The following INPP4A variants were observed in gnomAD, a reference collection of about 807,000 sequenced individuals.
INPP4A encodes the protein inositol polyphosphate-4-phosphatase type I A, also known as inositol polyphosphate-4-phosphatase, type I, 107kD.
In INPP4A, 33 loss-of-function variants were observed where a neutral mutation model predicts 119.8. The observed-to-expected ratio is 0.28, with a 90% CI of 0.21 to 0.37. INPP4A has a LOEUF of 0.37. Ranked by LOEUF, INPP4A falls within the 10% of genes least tolerant of loss-of-function variation. INPP4A has a pLI of 1.00. For missense variants in INPP4A, 956 were observed against 1,289.9 expected (o/e 0.74, Z 3.97); for synonymous variants, 496 against 500.7 (o/e 0.99, Z 0.12).
At chr2:98,539,794 C>A in intron 10 of INPP4A, 119 bp downstream of exon 10, 1 of 978,754 alleles carries the variant, frequency 1.0e-6, no homozygotes, top group Non-Finnish European at 1.4e-6. Flanking sequence ...CACAGCCTCT[C>A]CCCCTGCAGC....
chr2:98,558,482 GT>G (rs1265857412), intron 16 of INPP4A, among the ~76,000 whole-genome samples: 1 of 152,198 alleles, frequency 6.6e-6, no homozygotes, highest in Non-Finnish European at 1.5e-5. Context: ...AGATGCCTTT[GT>G]ATTCTCTTTC....
At chr2:98,492,650 C>T (rs1415050822) in intron 1 of INPP4A, among the ~76,000 whole-genome samples, 1 of 152,200 alleles carries the variant, frequency 6.6e-6, no homozygotes, top group African/African-American at 2.4e-5. Context: ...AAGGCAAGCA[C>T]ACTCAGGTCC....
chr2:98,542,086 G>A (rs1413128075), intron 10 of INPP4A, among the ~76,000 whole-genome samples: 2 of 152,258 alleles, frequency 1.3e-5, no homozygotes, highest in Non-Finnish European at 2.9e-5. Flanking sequence ...GGAACTGTGA[G>A]AAGAAAGAGG....
intron 17 of INPP4A, among the ~76,000 whole-genome samples, chr2:98,562,396 G>A (rs1057062718): frequency 2.6e-5 from 4 of 152,192 alleles, no homozygotes; most frequent in African/African-American, 9.7e-5. Context: ...GGGCCAAGCC[G>A]CCCTTCTCTC....
Position 98,581,184 on chromosome 2 carries a change from A to T in INPP4A, c.2786+4041A>T, listed in dbSNP as rs1029421577. Among the ~76,000 whole-genome samples, 3 of 152,170 alleles carry T rather than the reference A, an allele frequency of 2.0e-5. No individual in the cohort carries two copies. The East Asian group carries it at 5.8e-4, about 29-fold the overall frequency. On this transcript the variant is annotated intron_variant, in intron 24 of 24. Coordinates refer to ENST00000409851, the MANE Select transcript of INPP4A (RefSeq NM_001134225.2). ...TTCATGTTCCGCTTGCTTCTCAGAAATCCCTGTCTGTGCAGCATGTGGGGG... is the reference window on the plus strand; with the variant it reads ...TTCATGTTCCGCTTGCTTCTCAGAATTCCCTGTCTGTGCAGCATGTGGGGG...
chr2:98,558,792 T>A (rs922339631), intron 16 of INPP4A, among the ~76,000 whole-genome samples: 14 of 152,252 alleles, frequency 9.2e-5, no homozygotes, highest in African/African-American at 3.4e-4. Flanking sequence ...AGTAAGTACA[T>A]CCCAGTGTGA....
intron 1 of INPP4A, among the ~76,000 whole-genome samples, chr2:98,492,662 A>G: frequency 6.6e-6 from 1 of 152,202 alleles, no homozygotes; most frequent in East Asian, 1.9e-4. Context: ...CTCAGGTCCC[A>G]GGGGGAGGTG....
chr2:98,525,952 T>C (rs1688107198), intron 4 of INPP4A, among the ~76,000 whole-genome samples: 1 of 152,238 alleles, frequency 6.6e-6, no homozygotes, highest in Non-Finnish European at 1.5e-5. Context: ...ATTTTAGTTG[T>C]ATGTAATTAT....
At chr2:98,500,010 C>G (rs1682798549) in intron 1 of INPP4A, among the ~76,000 whole-genome samples, 1 of 152,162 alleles carries the variant, frequency 6.6e-6, no homozygotes, top group African/African-American at 2.4e-5. Context: ...ATATCTAATT[C>G]CGGGGGAAAC....
intron 4 of INPP4A, among the ~76,000 whole-genome samples, chr2:98,526,530 A>T (rs901336406): frequency 2.0e-5 from 3 of 152,192 alleles, no homozygotes; most frequent in African/African-American, 4.8e-5. Context: ...ACTTCCAAAA[A>T]TCTTCTTTTC....
chr2:98,470,888 G>A (rs569726733), intron 1 of INPP4A, among the ~76,000 whole-genome samples: 3 of 152,190 alleles, frequency 2.0e-5, no homozygotes, highest in East Asian at 3.9e-4. Context: ...GGCTGATCTC[G>A]AACTCCTGAC....
At chr2:98,534,460 C>A (rs1026033785) in intron 5 of INPP4A, among the ~76,000 whole-genome samples, 1 of 152,158 alleles carries the variant, frequency 6.6e-6, no homozygotes, top group Admixed American at 6.5e-5. Flanking sequence ...TCATGAAATT[C>A]TACTTCAGTA....
At chr2:98,584,410 G>T (rs568884817) in intron 24 of INPP4A, among the ~76,000 whole-genome samples, 35 of 152,348 alleles carry the variant, frequency 2.3e-4, no homozygotes, top group African/African-American at 8.2e-4. Context: ...ACAGAGGAAG[G>T]CCCTCTGACT....
At chr2:98,496,047 CAG>C (rs1348557834) in intron 1 of INPP4A, among the ~76,000 whole-genome samples, 1 of 152,196 alleles carries the variant, frequency 6.6e-6, no homozygotes, top group African/African-American at 2.4e-5. Context: ...CTTATTACTG[CAG>C]AGAGTCAGTT....
chr2:98,592,536 A>G lies in INPP4A; in HGVS notation c.*4928A>G, dbSNP rs1426464483. On this transcript the variant is annotated 3_prime_UTR_variant, in exon 25 of 25. Coordinates refer to ENST00000409851, the MANE Select transcript of INPP4A (RefSeq NM_001134225.2). ...AAAAGTAGGAAGTAATCAAATTTAC[A>G]GTGGATAAAATCCAGTATTTGAAAT... 1 of 152,228 alleles carries G rather than the reference A, an allele frequency of 6.6e-6. No individual in the cohort carries two copies. Among genetic ancestry groups the G allele is most frequent in the Non-Finnish European group, 1.5e-5 (1 of 68,040 alleles). 9.4% of individuals were successfully genotyped at this position (152,228 alleles called of 1,614,324 possible). A position where few individuals can be genotyped will look rare whatever the true frequency, so the allele number is the denominator to read the frequency against.
chr2:98,470,513 A>G (rs776885697), intron 1 of INPP4A, among the ~76,000 whole-genome samples: 5 of 152,194 alleles, frequency 3.3e-5, no homozygotes, highest in Non-Finnish European at 7.4e-5. Context: ...TCGCCTTCTC[A>G]GCCAGGCACT....
intron 6 of INPP4A, 135 bp from the exon 7 acceptor site, chr2:98,535,994 C>T: frequency 2.8e-6 from 2 of 718,882 alleles, no homozygotes; most frequent in South Asian, 1.8e-5. Flanking sequence ...AATTGTTAAG[C>T]TTTCCCATTG....
chr2:98,479,704 A>C (rs960272975), intron 1 of INPP4A, among the ~76,000 whole-genome samples: 3 of 152,236 alleles, frequency 2.0e-5, no homozygotes, highest in African/African-American at 7.2e-5. Flanking sequence ...AATGGTTGCA[A>C]ATGGAATTCG....
chr2:98,512,261 G>A (rs962312426), intron 1 of INPP4A, among the ~76,000 whole-genome samples: 1 of 152,238 alleles, frequency 6.6e-6, no homozygotes, highest in Admixed American at 6.5e-5. Flanking sequence ...GCTGAGAGAA[G>A]CTCAGCAGCT....
Sources: allele counts gnomAD v4.1 joint callset (sites outside exome capture counted in the v4.1 genomes callset), GRCh38; gene constraint gnomAD v4.1.1; transcripts MANE v1.5; gene names NCBI Gene and HGNC (gene_info 2026-07-23, HGNC 2026-07-21).